Variants in ZMAT4 observed in about 807,000 individuals in gnomAD.
ZMAT4 encodes the protein zinc finger matrin-type 4.
ZMAT4 carries 17 observed loss-of-function variants against 28.7 expected under a neutral mutation model. The observed-to-expected ratio is 0.59, with a 90% CI of 0.41 to 0.89. The LOEUF is 0.89. Among genes scored for constraint, ZMAT4 ranks in the 40% least tolerant of loss-of-function variants. ZMAT4 has a pLI of 0.00. For synonymous variants in ZMAT4, 117 were observed against 109.2 expected (o/e 1.07, Z -0.44); for missense variants, 240 against 283.8 (o/e 0.85, Z 1.11).
At chr8:40,612,485 C>A (rs1291194038) in intron 5 of ZMAT4, among the ~76,000 whole-genome samples, 1 of 137,906 alleles carries the variant, frequency 7.3e-6, no homozygotes, top group Non-Finnish European at 1.7e-5. Context: ...AGTGTGTATT[C>A]CTCAAGTTCC....
At chr8:40,601,219 T>A (rs777631091) in intron 5 of ZMAT4, among the ~76,000 whole-genome samples, 1 of 152,032 alleles carries the variant, frequency 6.6e-6, no homozygotes, top group Non-Finnish European at 1.5e-5. Flanking sequence ...AAGTCCAGTA[T>A]GTGTCTTTGT....
intron 3 of ZMAT4, among the ~76,000 whole-genome samples, chr8:40,722,012 C>A (rs1811123661): frequency 6.6e-6 from 1 of 151,922 alleles, no homozygotes; most frequent in African/African-American, 2.4e-5. Flanking sequence ...ACACCTTATA[C>A]AAAAATCAAT....
chr8:40,819,461 C>T, intron 2 of ZMAT4, among the ~76,000 whole-genome samples: 1 of 152,128 alleles, frequency 6.6e-6, no homozygotes, highest in Non-Finnish European at 1.5e-5. Flanking sequence ...CTCCTCCAGT[C>T]TCCCCCACCT....
At chr8:40,813,107 G>C (rs978532702) in intron 2 of ZMAT4, among the ~76,000 whole-genome samples, 6 of 151,806 alleles carry the variant, frequency 4.0e-5, no homozygotes, top group African/African-American at 1.5e-4. Flanking sequence ...AAGTATGTCT[G>C]GGTACACAAA....
At chr8:40,600,755 G>A (rs2118611656) in intron 5 of ZMAT4, among the ~76,000 whole-genome samples, 2 of 152,230 alleles carry the variant, frequency 1.3e-5, no homozygotes, top group South Asian at 4.1e-4. Flanking sequence ...TGATACCAGG[G>A]CCTTTGTCCA....
intron 1 of ZMAT4, among the ~76,000 whole-genome samples, chr8:40,870,282 T>C (rs952831382): frequency 6.6e-6 from 1 of 152,234 alleles, no homozygotes; most frequent in African/African-American, 2.4e-5. Context: ...CTGGAGGCTC[T>C]GGCCCCTCTT....
chr8:40,741,374 G>C (rs1246566777), intron 3 of ZMAT4, among the ~76,000 whole-genome samples: 3 of 151,700 alleles, frequency 2.0e-5, no homozygotes, highest in Non-Finnish European at 4.4e-5. Flanking sequence ...TTGAACCTAG[G>C]GGGCAGAGGT....
chr8:40,708,571 T>C (rs867784289), intron 3 of ZMAT4, among the ~76,000 whole-genome samples: 24 of 121,022 alleles, frequency 2.0e-4, no homozygotes, highest in Non-Finnish European at 3.3e-4. Flanking sequence ...TACACACTCT[T>C]TCTCTCTCTC....
chr8:40,877,128 T>G (rs1024192725), intron 1 of ZMAT4, among the ~76,000 whole-genome samples: 1 of 152,102 alleles, frequency 6.6e-6, no homozygotes, highest in Admixed American at 6.5e-5. Context: ...CAGACACGCA[T>G]AGAGGGAAGA....
At chr8:40,784,015 AAAT>A (rs1293637120) in intron 2 of ZMAT4, among the ~76,000 whole-genome samples, 5 of 152,200 alleles carry the variant, frequency 3.3e-5, no homozygotes, top group East Asian at 1.9e-4. Flanking sequence ...CCATCTCAAA[AAAT>A]AATAATAACT....
chr8:40,610,027 T>G (rs1466118125), intron 5 of ZMAT4, among the ~76,000 whole-genome samples: 1 of 152,230 alleles, frequency 6.6e-6, no homozygotes, highest in African/African-American at 2.4e-5. Flanking sequence ...ATTAAATAAA[T>G]GTCCTGCAAT....
intron 5 of ZMAT4, among the ~76,000 whole-genome samples, chr8:40,655,658 T>C (rs938212534): frequency 1.3e-5 from 2 of 151,978 alleles, no homozygotes; most frequent in African/African-American, 4.8e-5. Flanking sequence ...GACCCATACA[T>C]TTATGGTCCA....
intron 2 of ZMAT4, among the ~76,000 whole-genome samples, chr8:40,806,104 A>C (rs912376832): frequency 6.6e-6 from 1 of 152,228 alleles, no homozygotes; most frequent in African/African-American, 2.4e-5. Context: ...ACGTGCATTA[A>C]GAATTATTTA....
At chr8:40,574,973 A>G (rs1804214569) in intron 6 of ZMAT4, among the ~76,000 whole-genome samples, 1 of 152,170 alleles carries the variant, frequency 6.6e-6, no homozygotes, top group Admixed American at 6.5e-5. Context: ...CATTATTTTG[A>G]AATCAAAGTC....
intron 1 of ZMAT4, among the ~76,000 whole-genome samples, chr8:40,891,183 G>A (rs967484237): frequency 8.2e-6 from 1 of 122,152 alleles, no homozygotes; most frequent in African/African-American, 3.0e-5. Flanking sequence ...GGGCAACAGA[G>A]TGGGGAGAGG....
intron 3 of ZMAT4, among the ~76,000 whole-genome samples, chr8:40,753,174 A>G (rs148887379): frequency 6.6e-6 from 1 of 150,724 alleles, no homozygotes; most frequent in Admixed American, 6.7e-5. Flanking sequence ...TTCCTGTGTT[A>G]GTTTGCTGAG....
chr8:40,769,775 G>A (rs34770211), intron 2 of ZMAT4, among the ~76,000 whole-genome samples: 24,851 of 148,050 alleles, frequency 0.17, 2,538 homozygotes, highest in Middle Eastern at 0.25. Flanking sequence ...CATGCGGCCT[G>A]GTTTGTGGCT....
chr8:40,851,137 G>A (rs1053447032), intron 1 of ZMAT4, among the ~76,000 whole-genome samples: 6 of 152,096 alleles, frequency 3.9e-5, no homozygotes, highest in Non-Finnish European at 8.8e-5. Flanking sequence ...GACCAGCCTG[G>A]CCAACATGGT....
chr8:40,644,942 C>T (rs891999580), intron 5 of ZMAT4, among the ~76,000 whole-genome samples: 1 of 152,142 alleles, frequency 6.6e-6, no homozygotes, highest in African/African-American at 2.4e-5. Flanking sequence ...CTGACCAGTG[C>T]TTTCAAAACT....
Sources: gnomAD v4.1 joint callset for allele counts (sites outside exome capture counted in the v4.1 genomes callset) on GRCh38, gnomAD v4.1.1 for gene constraint, MANE v1.5 for transcripts, NCBI Gene and HGNC (gene_info 2026-07-23, HGNC 2026-07-21) for gene names.